Variants in SAXO1 observed in about 807,000 individuals in gnomAD.
The protein encoded by SAXO1 is stabilizer of axonemal microtubules 1.
Under a neutral mutation model 17.5 loss-of-function variants are expected in SAXO1, and 21 were observed. The observed-to-expected ratio is 1.20, with a 90% confidence interval of 0.85 to 1.72. SAXO1 has a LOEUF of 1.72. Among genes scored for constraint, SAXO1 ranks in the 40% most tolerant of loss-of-function variants. The pLI is 0.00. For missense variants in SAXO1, 843 were observed against 596.0 expected (o/e 1.41, Z -4.32); for synonymous variants, 274 against 216.5 (o/e 1.27, Z -2.33).
chr9:19,010,990 G>A (rs1387437172), intron 1 of SAXO1, among the ~76,000 whole-genome samples: 1 of 152,092 alleles, frequency 6.6e-6, no homozygotes, highest in Non-Finnish European at 1.5e-5. Flanking sequence ...GCCCAGAAAG[G>A]TTTTTAAAAG....
At chr9:19,034,049 G>A (rs557410054), upstream of SAXO1, among the ~76,000 whole-genome samples, 3 of 152,314 alleles carry the variant, frequency 2.0e-5, no homozygotes, top group Admixed American at 2.0e-4. Flanking sequence ...GAAGCCAGGT[G>A]ATTCTGGTCA....
chr9:19,034,824 A>ATCACACAGTCCT (rs1835894450), upstream of SAXO1, among the ~76,000 whole-genome samples: 1 of 152,336 alleles, frequency 6.6e-6, no homozygotes, highest in East Asian at 1.9e-4. Flanking sequence ...TACAGAGGAA[A>ATCACACAGTCCT]TACAGTGCTG....
chr9:18,984,785 A>G lies in SAXO1; in HGVS notation c.39-33848T>C, dbSNP rs537595400. On this transcript the variant is annotated intron_variant, in intron 1 of 3. Transcript: ENST00000380534. The stretch of plus-strand genomic sequence containing the variant: ...TTGCTTTCTCATCATTCATGCGTTC[A>G]CTGGAGTAGCACTTTGAATTTCTTT... Among the ~76,000 whole-genome samples, 3 of 152,284 alleles carry G rather than the reference A, an allele frequency of 2.0e-5. No individual in the cohort carries two copies. In the South Asian group the frequency reaches 6.2e-4, roughly 32 times the overall value.
chr9:18,938,006 C>T (rs148946964), intron 3 of SAXO1, among the ~76,000 whole-genome samples: 2 of 152,134 alleles, frequency 1.3e-5, no homozygotes, highest in South Asian at 2.1e-4. Flanking sequence ...GTTTTAAAAT[C>T]GGAATTGCAG....
At chr9:18,976,236 G>C (rs1833147006) in intron 1 of SAXO1, among the ~76,000 whole-genome samples, 1 of 152,144 alleles carries the variant, frequency 6.6e-6, no homozygotes, top group Admixed American at 6.5e-5. Flanking sequence ...AACTGCATGG[G>C]ACTGGGGTTC....
intron 2 of SAXO1, 37 bp from the exon 3 acceptor site, chr9:18,941,876 G>A (rs1473182708): frequency 6.3e-7 from 1 of 1,598,180 alleles, no homozygotes; most frequent in East Asian, 2.2e-5. Context: ...GGGGTCCTTG[G>A]CTTGCGATAA....
intron 1 of SAXO1, among the ~76,000 whole-genome samples, chr9:19,006,042 T>C (rs898989999): frequency 3.3e-5 from 5 of 152,200 alleles, no homozygotes; most frequent in African/African-American, 9.6e-5. Flanking sequence ...CACTAGTCAT[T>C]AGGATAAATG....
chr9:19,011,772 T>G (rs1180059626), intron 1 of SAXO1, among the ~76,000 whole-genome samples: 1 of 152,148 alleles, frequency 6.6e-6, no homozygotes, highest in Non-Finnish European at 1.5e-5. Flanking sequence ...ACTTCAGCTC[T>G]TTCTTCCTCC....
At chr9:18,937,045 G>C (rs1831325731) in intron 3 of SAXO1, among the ~76,000 whole-genome samples, 1 of 152,210 alleles carries the variant, frequency 6.6e-6, no homozygotes, top group Non-Finnish European at 1.5e-5. Flanking sequence ...TCTTTGGGTG[G>C]TAGAGGAGGA....
chr9:18,957,885 T>C (rs1263736952), intron 1 of SAXO1, among the ~76,000 whole-genome samples: 1 of 152,192 alleles, frequency 6.6e-6, no homozygotes, highest in Non-Finnish European at 1.5e-5. Context: ...TTTTAAAATA[T>C]GTATTTACTA....
intron 1 of SAXO1, among the ~76,000 whole-genome samples, chr9:19,025,891 T>TTC (rs1835450203): frequency 6.6e-6 from 1 of 151,160 alleles, no homozygotes; most frequent in African/African-American, 2.4e-5. Context: ...CTTTTTTTTT[T>TTC]ATATCAGATA....
chr9:19,032,751 G>A (rs1181434487), intron 1 of SAXO1, 120 bp downstream of exon 1: 8 of 1,063,620 alleles, frequency 7.5e-6, no homozygotes, highest in South Asian at 3.1e-5. Flanking sequence ...CTTAAAAAAC[G>A]TAGCAAGTGG....
chr9:18,928,195 G>A lies in SAXO1; in HGVS notation c.1282C>T (p.Pro428Ser). 1 of 1,614,210 alleles carries A rather than the reference G, an allele frequency of 6.2e-7. No individual in the cohort carries two copies. The highest frequency in any genetic ancestry group is 8.5e-7 in the Non-Finnish European group (1 of 1,180,044). Residue 428 changes from proline to serine, a missense_variant, in exon 4 of 4, where the codon CCT becomes TCT. Physicochemically the swap from Pro to Ser is moderately conservative, Grantham distance 74. Transcript: ENST00000380534. ...TCCACTTCCTCAAAGGTGTAGCCAG[G>A]AGGCTCAGGATATGAAGCTAGGCAC... ...GRCLASYPEP[P>S]GYTFEEVDAL...
chr9:18,946,630 G>A (rs1831809894), intron 2 of SAXO1, among the ~76,000 whole-genome samples: 1 of 148,916 alleles, frequency 6.7e-6, no homozygotes, highest in African/African-American at 2.6e-5. Context: ...CCCAAAATCT[G>A]ACCCATGCTC....
chr9:19,041,007 G>A (rs896920097), intron 1 of SAXO1, among the ~76,000 whole-genome samples: 29 of 150,190 alleles, frequency 1.9e-4, no homozygotes, highest in African/African-American at 6.6e-4. Flanking sequence ...TCAAATTATC[G>A]TTGTTTGCAG....
chr9:18,962,977 A>C (rs1832549929), intron 1 of SAXO1, among the ~76,000 whole-genome samples: 1 of 152,156 alleles, frequency 6.6e-6, no homozygotes, highest in African/African-American at 2.4e-5. Context: ...ATTTTTGTAT[A>C]AAGTGTAAGG....
At chr9:19,028,519 GCTT>G (rs1318313657) in intron 1 of SAXO1, among the ~76,000 whole-genome samples, 2 of 152,196 alleles carry the variant, frequency 1.3e-5, no homozygotes, top group Non-Finnish European at 2.9e-5. Flanking sequence ...CCACCATGTA[GCTT>G]CTTAAGTCAA....
chr9:19,022,816 A>ACT (rs901018267), intron 1 of SAXO1, among the ~76,000 whole-genome samples: 3 of 152,228 alleles, frequency 2.0e-5, no homozygotes, highest in African/African-American at 7.2e-5. Flanking sequence ...CCTTTTAGAG[A>ACT]AACAACCAGA....
chr9:19,030,991 G>C (rs1157174452), intron 1 of SAXO1, among the ~76,000 whole-genome samples: 1 of 152,196 alleles, frequency 6.6e-6, no homozygotes, highest in African/African-American at 2.4e-5. Flanking sequence ...GAGAAGAAAA[G>C]GAGAAGAGAC....
Sources: allele counts gnomAD v4.1 joint callset (sites outside exome capture counted in the v4.1 genomes callset), GRCh38; gene constraint gnomAD v4.1.1; transcripts MANE v1.5; gene names NCBI Gene and HGNC (gene_info 2026-07-23, HGNC 2026-07-21).